Variants in CDRT4 observed in about 807,000 individuals in gnomAD.
CDRT4 encodes the protein CMT1A duplicated region transcript 4 protein.
For synonymous variants in CDRT4, 64 were observed against 69.6 expected (o/e 0.92, Z 0.40); for missense variants, 167 against 193.1 (o/e 0.87, Z 0.80).
chr17:15,448,171 C>T (rs560306143), intron 2 of CDRT4, among the ~76,000 whole-genome samples: 10 of 152,300 alleles, frequency 6.6e-5, no homozygotes, highest in Non-Finnish European at 1.0e-4. Flanking sequence ...CCTTTTCAAA[C>T]GCTCAAAGCA....
At chr17:15,460,892 C>T (rs1335812994) in intron 1 of CDRT4, among the ~76,000 whole-genome samples, 8 of 152,030 alleles carry the variant, frequency 5.3e-5, no homozygotes, top group Admixed American at 2.6e-4. Context: ...CCTTCCCCAC[C>T]GCCAACCACC....
chr17:15,437,793 G>C lies in CDRT4; in HGVS notation c.439C>G (p.Leu147Val). Residue 147 changes from leucine to valine, a missense_variant, in exon 4 of 4, where the codon CTC becomes GTC. Coordinates refer to ENST00000619038, the MANE Select transcript of CDRT4 (RefSeq NM_001204477.2). Reference protein sequence around the residue: ...IFARKPMMRMLPTVRY With the variant: ...IFARKPMMRMVPTVRY ...GTTGGTCAGTAGCGAACTGTAGGGAGCATCCTCATCATAGGCTTGCGGGCA... is the reference window on the plus strand; with the variant it reads ...GTTGGTCAGTAGCGAACTGTAGGGACCATCCTCATCATAGGCTTGCGGGCA... 6.2e-7 allele frequency: 1 copy of C among 1,614,130 alleles called. No individual in the cohort carries two copies. Among genetic ancestry groups the C allele is most frequent in the Non-Finnish European group, 8.5e-7 (1 of 1,179,976 alleles).
chr17:15,449,417 T>C (rs1410814760), intron 2 of CDRT4, among the ~76,000 whole-genome samples: 2 of 152,204 alleles, frequency 1.3e-5, no homozygotes, highest in African/African-American at 4.8e-5. Context: ...CCTCAGGCAG[T>C]CTAGCTGCAG....
intron 2 of CDRT4, among the ~76,000 whole-genome samples, chr17:15,448,136 C>A (rs1468343017): frequency 6.6e-6 from 1 of 152,182 alleles, no homozygotes; most frequent in Non-Finnish European, 1.5e-5. Flanking sequence ...CCCAGGACTG[C>A]GCTCAATCAA....
chr17:15,456,563 TACACACAC>T (rs3029212), intron 1 of CDRT4, among the ~76,000 whole-genome samples: 2 of 145,612 alleles, frequency 1.4e-5, no homozygotes, highest in African/African-American at 5.1e-5. Flanking sequence ...AATCTTCCTT[TACACACAC>T]ACACACACAC....
chr17:15,444,714 C>CAGAGAGAGAGAGAG (rs59581257), intron 2 of CDRT4, among the ~76,000 whole-genome samples: 1,651 of 135,794 alleles, frequency 0.012, 41 homozygotes, highest in African/African-American at 0.029. Flanking sequence ...TAGCCAAGCG[C>CAGAGAGAGAGAGAG]AGAGAGAGAG....
intron 1 of CDRT4, among the ~76,000 whole-genome samples, chr17:15,459,982 G>T (rs114226312): frequency 0.011 from 1,714 of 152,184 alleles, 31 homozygotes; most frequent in African/African-American, 0.039. Context: ...CACTTAGGGT[G>T]AGGGAGCCCC....
chr17:15,440,867 G>A (rs1048542730), intron 2 of CDRT4, among the ~76,000 whole-genome samples: 21 of 152,158 alleles, frequency 1.4e-4, no homozygotes, highest in Non-Finnish European at 2.9e-5. Flanking sequence ...ACTTGAGGCT[G>A]CATCCACCTG....
intron 1 of CDRT4, among the ~76,000 whole-genome samples, chr17:15,455,469 C>T (rs964155681): frequency 1.3e-5 from 2 of 152,258 alleles, no homozygotes; most frequent in South Asian, 2.1e-4. Flanking sequence ...TTGGTATTCA[C>T]ATCCTTGTGA....
chr17:15,437,920 A>T lies in CDRT4; in HGVS notation c.312T>A (p.Ala104=), dbSNP rs1445771409. Residue 104 remains alanine (A), a synonymous_variant, in exon 4 of 4, where the codon GCT becomes GCA. Coordinates refer to ENST00000619038, the MANE Select transcript of CDRT4 (RefSeq NM_001204477.2). ...TAGGAGCCATGGCCAATACCGAATA[A>T]GCGCCCCACATTGATAACGTGGATT... ...LSESTLSMWG[A]YSVLAMAPTM... 6.2e-7 allele frequency: 1 copy of T among 1,614,050 alleles called. No individual in the cohort carries two copies. Among genetic ancestry groups the T allele is most frequent in the Non-Finnish European group, 8.5e-7 (1 of 1,180,032 alleles).
chr17:15,447,084 G>T (rs764770629), intron 2 of CDRT4, among the ~76,000 whole-genome samples: 1 of 152,126 alleles, frequency 6.6e-6, no homozygotes, highest in African/African-American at 2.4e-5. Flanking sequence ...TCAAGGGTCC[G>T]CAATCCAGGT....
intron 2 of CDRT4, among the ~76,000 whole-genome samples, chr17:15,442,699 G>C (rs999515578): frequency 2.6e-5 from 4 of 152,176 alleles, no homozygotes; most frequent in Non-Finnish European, 5.9e-5. Context: ...GTGGCTGATA[G>C]GACAAGTCTA....
At position 15,436,664 on chromosome 17, in the gene CDRT4, G is replaced by A. The variant is rs1978501977; in HGVS notation, c.*1109C>T. ...GTTCCACAAGGCAAACCCCAGAGAA[G>A]TACAGGGGAAAAGAGCTCTCCATTT... On this transcript the variant is annotated 3_prime_UTR_variant, in exon 4 of 4. Coordinates refer to ENST00000619038, the MANE Select transcript of CDRT4 (RefSeq NM_001204477.2). 1 of 152,216 alleles carries A rather than the reference G, an allele frequency of 6.6e-6. No individual in the cohort carries two copies. The highest frequency in any genetic ancestry group is 6.5e-5 in the Admixed American group (1 of 15,282). The allele number at this position is 152,216 out of a possible 1,614,324, so 9.4% of individuals were successfully genotyped here. A position where few individuals can be genotyped will look rare whatever the true frequency, so the allele number is the denominator to read the frequency against.
intron 1 of CDRT4, 100 bp from the exon 2 acceptor site, chr17:15,453,185 C>A (rs1402502491): frequency 6.6e-6 from 1 of 152,122 alleles, no homozygotes; most frequent in Non-Finnish European, 1.5e-5. Flanking sequence ...CACTTAAATA[C>A]ATAAAAAATT....
At chr17:15,453,764 A>G (rs540563686) in intron 1 of CDRT4, among the ~76,000 whole-genome samples, 53 of 152,354 alleles carry the variant, frequency 3.5e-4, no homozygotes, top group African/African-American at 1.2e-3. Context: ...TCAGAGCACG[A>G]GTTCAAGACA....
chr17:15,449,210 T>C (rs753692691), intron 2 of CDRT4, among the ~76,000 whole-genome samples: 7 of 152,206 alleles, frequency 4.6e-5, no homozygotes, highest in Non-Finnish European at 1.0e-4. Context: ...AGCTAACATT[T>C]CTATGCCGTG....
At position 15,461,739 on chromosome 17, in the gene CDRT4, G is replaced by A. The variant is rs78813343; in HGVS notation, c.-130+5721C>T. Among the ~76,000 whole-genome samples the A allele has an allele frequency of 4.0e-3, 604 of 152,214 alleles. 3 individuals carry two copies. The highest frequency in any genetic ancestry group is 7.1e-3 in the Non-Finnish European group (484 of 68,022). ...AGTATGGCTCAGTGCAATGCTGTGC[G>A]CCATTTGCTTTGATAGGAATATAGG... On this transcript the variant is annotated intron_variant, in intron 1 of 3. Coordinates refer to ENST00000619038, the MANE Select transcript of CDRT4 (RefSeq NM_001204477.2).
intron 1 of CDRT4, among the ~76,000 whole-genome samples, chr17:15,465,548 A>C (rs868754485): frequency 3.3e-5 from 5 of 151,176 alleles, no homozygotes; most frequent in South Asian, 4.2e-4. Context: ...CACCAACACA[A>C]ACACACACAA....
rs539711925 is a variant in CDRT4 at position 15,436,799 on chromosome 17, C to T, written c.*974G>A. The T allele has an allele frequency of 6.6e-5, 10 of 152,190 alleles. No homozygotes were observed. Among genetic ancestry groups the T allele is most frequent in the Non-Finnish European group, 1.2e-4 (8 of 68,054 alleles). The allele number at this position is 152,190 out of a possible 1,614,324, so 9.4% of individuals were successfully genotyped here. A position where few individuals can be genotyped will look rare whatever the true frequency, so the allele number is the denominator to read the frequency against. ...TGGATGGGATCACTCAGAACCCGGC[C>T]GAGAGCTAATTCCCTCTTGGCTTCA... On this transcript the variant is annotated 3_prime_UTR_variant, in exon 4 of 4. Transcript: ENST00000619038.
Sources: gnomAD v4.1 joint callset for allele counts (sites outside exome capture counted in the v4.1 genomes callset) on GRCh38, gnomAD v4.1.1 for gene constraint, MANE v1.5 for transcripts, NCBI Gene and HGNC (gene_info 2026-07-23, HGNC 2026-07-21) for gene names.